The following GAB2 variants were observed in gnomAD, a reference collection of about 807,000 sequenced individuals.
GAB2 encodes GRB2 associated binding protein 2.
Under a neutral mutation model 65.5 loss-of-function variants are expected in GAB2, and 26 were observed. That is an observed-to-expected ratio of 0.40 (90% CI 0.29 to 0.55). The LOEUF is 0.55. GAB2 is among the 20% of genes least tolerant of loss of function. The pLI is 0.53. For missense variants in GAB2, 884 were observed against 875.8 expected, an observed-to-expected ratio of 1.01 and a Z score of -0.12; for synonymous variants, 321 against 329.6, an observed-to-expected ratio of 0.97 and a Z score of 0.28.
At chr11:78,330,294 T>G (rs1855893546) in intron 1 of GAB2, among the ~76,000 whole-genome samples, 1 of 152,098 alleles carries the variant, frequency 6.6e-6, no homozygotes, top group Admixed American at 6.5e-5. Flanking sequence ...GTATCTGGAG[T>G]GGTTTCCATT....
intron 3 of GAB2, among the ~76,000 whole-genome samples, chr11:78,241,378 A>G (rs1865129589): frequency 6.6e-6 from 1 of 152,234 alleles, no homozygotes; most frequent in Admixed American, 6.5e-5. Flanking sequence ...ATGGACACTT[A>G]ACATGAGGAC....
At chr11:78,329,403 A>G (rs893089106) in intron 1 of GAB2, among the ~76,000 whole-genome samples, 7 of 152,066 alleles carry the variant, frequency 4.6e-5, no homozygotes, top group African/African-American at 1.7e-4. Flanking sequence ...TGTATCTCTC[A>G]TCTGTGTTCC....
intron 1 of GAB2, among the ~76,000 whole-genome samples, chr11:78,342,207 G>A (rs1004945059): frequency 5.9e-5 from 9 of 152,054 alleles, no homozygotes; most frequent in African/African-American, 1.9e-4. Context: ...TGCTATCAAC[G>A]GATCTGCCCT....
At chr11:78,246,747 C>T (rs1215494114) in intron 3 of GAB2, among the ~76,000 whole-genome samples, 1 of 152,160 alleles carries the variant, frequency 6.6e-6, no homozygotes, top group Non-Finnish European at 1.5e-5. Flanking sequence ...GATCTGCCCA[C>T]CTCAGCCTCC....
chr11:78,286,472 A>G (rs1314555328), intron 1 of GAB2, among the ~76,000 whole-genome samples: 5 of 152,032 alleles, frequency 3.3e-5, no homozygotes, highest in Admixed American at 6.6e-5. Flanking sequence ...TCTAATGCTT[A>G]TATGTCTTTC....
chr11:78,345,983 G>C (rs1435993268), intron 1 of GAB2, among the ~76,000 whole-genome samples: 1 of 152,154 alleles, frequency 6.6e-6, no homozygotes, highest in Non-Finnish European at 1.5e-5. Flanking sequence ...GTATTAGACA[G>C]ATAAACTGTC....
At chr11:78,265,162 C>A (rs1981405) in intron 2 of GAB2, among the ~76,000 whole-genome samples, 1 of 148,322 alleles carries the variant, frequency 6.7e-6, no homozygotes, top group Admixed American at 6.8e-5. Flanking sequence ...CATATTCATG[C>A]GATTCTAAGA....
At chr11:78,280,930 A>C in intron 1 of GAB2, 29 bp from the exon 2 acceptor site, 2 of 1,566,406 alleles carry the variant, frequency 1.3e-6, no homozygotes, top group Non-Finnish European at 1.8e-6. Context: ...GAGTAAGAAG[A>C]GGGGGAAGAA....
chr11:78,222,098 C>T lies in GAB2; in HGVS notation c.1658+7G>A, dbSNP rs1359769082. 6.3e-6 allele frequency: 10 copies of T among 1,585,088 alleles called. No individual in the cohort carries two copies. The highest frequency in any genetic ancestry group is 8.7e-6 in the Non-Finnish European group (10 of 1,153,552). ...CCAAGCTCCCACCCCCACACATACG[C>T]ACTTACTTGGCCCTAGACCAAGACT... On this transcript the variant is annotated splice_region_variant and intron_variant, in intron 7 of 9. Transcript: ENST00000361507.
At chr11:78,287,055 T>C (rs983430586) in intron 1 of GAB2, among the ~76,000 whole-genome samples, 1 of 152,192 alleles carries the variant, frequency 6.6e-6, no homozygotes, top group African/African-American at 2.4e-5. Context: ...CAAATGGAAT[T>C]TATTCCAAGG....
chr11:78,259,280 T>A (rs1865674244), intron 2 of GAB2, among the ~76,000 whole-genome samples: 1 of 152,222 alleles, frequency 6.6e-6, no homozygotes, highest in African/African-American at 2.4e-5. Context: ...AATTATTAAA[T>A]ACTCAATAAA....
chr11:78,402,102 C>G (rs944038480), intron 1 of GAB2, among the ~76,000 whole-genome samples: 1 of 152,134 alleles, frequency 6.6e-6, no homozygotes, highest in Admixed American at 6.5e-5. Flanking sequence ...CTCTTACTTA[C>G]CTCTCCAGCT....
intron 1 of GAB2, among the ~76,000 whole-genome samples, chr11:78,296,629 G>A (rs11237445): frequency 0.016 from 2,390 of 151,700 alleles, 75 homozygotes; most frequent in African/African-American, 0.056. Flanking sequence ...CAGGATGAGA[G>A]GTGAAATAAG....
intron 2 of GAB2, among the ~76,000 whole-genome samples, chr11:78,262,074 G>T (rs985542913): frequency 6.6e-6 from 1 of 152,142 alleles, no homozygotes; most frequent in African/African-American, 2.4e-5. Context: ...ATCAAGAATC[G>T]TGATCAGCGG....
At position 78,277,521 on chromosome 11, in the gene GAB2, TCA is replaced by T. The variant is rs533908417; in HGVS notation, c.376+3078_376+3079del. ...TGATCAGCAGCTTTCTGATACCATC[TCA>T]GGAGATAGGCAAGTCTCAAGCACGC... On this transcript the variant is annotated intron_variant, in intron 2 of 9. Transcript: ENST00000361507. Among the ~76,000 whole-genome samples the T allele has an allele frequency of 9.3e-4, 142 of 152,352 alleles. No individual in the cohort carries two copies. In the South Asian group the frequency reaches 9.7e-3, roughly 10 times the overall value.
chr11:78,309,140 A>T (rs75188588), intron 1 of GAB2, among the ~76,000 whole-genome samples: 359 of 152,306 alleles, frequency 2.4e-3, no homozygotes, highest in African/African-American at 8.3e-3. Context: ...AGAAGAGTCA[A>T]AAGTAACTGC....
chr11:78,380,838 C>A (rs184212062), intron 1 of GAB2, among the ~76,000 whole-genome samples: 3 of 126,878 alleles, frequency 2.4e-5, no homozygotes, highest in African/African-American at 3.0e-5. Flanking sequence ...CATCTCAGAA[C>A]GTTGTCCCTC....
intron 1 of GAB2, among the ~76,000 whole-genome samples, chr11:78,342,640 C>T (rs1856118098): frequency 6.6e-6 from 1 of 152,172 alleles, no homozygotes; most frequent in Non-Finnish European, 1.5e-5. Flanking sequence ...CATCTCCTGA[C>T]CTCGTGATCC....
chr11:78,321,654 G>A (rs140706541), intron 1 of GAB2, among the ~76,000 whole-genome samples: 314 of 152,204 alleles, frequency 2.1e-3, no homozygotes, highest in Non-Finnish European at 3.9e-3. Flanking sequence ...GTTCAGTTTT[G>A]GGAAACTTTT....
Sources: gnomAD v4.1 joint callset for allele counts (sites outside exome capture counted in the v4.1 genomes callset) on GRCh38, gnomAD v4.1.1 for gene constraint, MANE v1.5 for transcripts, NCBI Gene and HGNC (gene_info 2026-07-23, HGNC 2026-07-21) for gene names.